DAG1: variants seen among roughly 807,000 people sequenced by gnomAD.
The protein encoded by DAG1 is dystroglycan 1 (dystrophin-associated glycoprotein 1).
In DAG1, 8 loss-of-function variants were observed where a neutral mutation model predicts 46.1. The ratio of observed to expected loss-of-function variants is 0.17; its 90% confidence interval spans 0.10 to 0.31. The LOEUF is 0.31. Ranked by LOEUF, DAG1 falls within the 10% of genes least tolerant of loss-of-function variation. The pLI is 1.00. For synonymous variants in DAG1, 495 were observed against 481.8 expected, an observed-to-expected ratio of 1.03 and a Z score of -0.36; for missense variants, 1,003 against 1,189.9, an observed-to-expected ratio of 0.84 and a Z score of 2.31.
chr3:49,505,092 T>A (rs1463076904), intron 1 of DAG1, among the ~76,000 whole-genome samples: 1 of 151,724 alleles, frequency 6.6e-6, no homozygotes, highest in Non-Finnish European at 1.5e-5. Flanking sequence ...CCTGCTGGGC[T>A]CAAGCGATCC....
intron 1 of DAG1, among the ~76,000 whole-genome samples, chr3:49,503,827 C>CAA (rs57105506): frequency 0.014 from 1,890 of 130,784 alleles, 24 homozygotes; most frequent in Non-Finnish European, 0.021. Flanking sequence ...GACCCTGTCT[C>CAA]AAAAAAAAAA....
intron 2 of DAG1, among the ~76,000 whole-genome samples, chr3:49,528,275 ATTTTTTTTTT>A (rs147292984): frequency 4.5e-4 from 30 of 66,630 alleles, no homozygotes; most frequent in Admixed American, 3.7e-3. Flanking sequence ...AAATAGTGTG[ATTTTTTTTTT>A]TTTTTTTTTT....
chr3:49,488,562 T>A (rs189857561), intron 1 of DAG1: 1 of 152,276 alleles, frequency 6.6e-6, no homozygotes. Flanking sequence ...CCACTGGGGC[T>A]GAGGTCTCTC....
chr3:49,527,235 C>T (rs1038813369), intron 2 of DAG1, among the ~76,000 whole-genome samples: 8 of 148,740 alleles, frequency 5.4e-5, no homozygotes, highest in Non-Finnish European at 1.2e-4. Flanking sequence ...ACTAAAAATA[C>T]GAAAAATTGC....
At chr3:49,518,450 TGCCTGGTGTCA>T (rs1197957484) in intron 2 of DAG1, among the ~76,000 whole-genome samples, 1 of 152,230 alleles carries the variant, frequency 6.6e-6, no homozygotes, top group African/African-American at 2.4e-5. Context: ...GAGGTTGTGC[TGCCTGGTGTCA>T]GTCTGTTGAT....
intron 1 of DAG1, among the ~76,000 whole-genome samples, chr3:49,498,719 A>T (rs377281869): frequency 2.1e-5 from 3 of 144,986 alleles, no homozygotes; most frequent in Non-Finnish European, 3.0e-5. Flanking sequence ...TTATTAATTA[A>T]TTTTTTTTTT....
chr3:49,515,039 T>C (rs1379865659), intron 2 of DAG1, among the ~76,000 whole-genome samples: 1 of 152,190 alleles, frequency 6.6e-6, no homozygotes, highest in East Asian at 1.9e-4. Context: ...TTTCACCATA[T>C]TGGCCAGACT....
intron 2 of DAG1, among the ~76,000 whole-genome samples, chr3:49,529,969 C>T (rs572642462): frequency 1.3e-5 from 2 of 152,244 alleles, no homozygotes; most frequent in African/African-American, 2.4e-5. Context: ...CTCCTTAGGC[C>T]TGCTTCTGTG....
intron 1 of DAG1, among the ~76,000 whole-genome samples, chr3:49,475,826 C>T: frequency 6.6e-6 from 1 of 151,654 alleles, no homozygotes; most frequent in Non-Finnish European, 1.5e-5. Flanking sequence ...GCCTCGGCCT[C>T]CCGAGTAGCT....
At chr3:49,512,818 ATTAGTTACAAAAAATT>A (rs2050799242) in intron 2 of DAG1, among the ~76,000 whole-genome samples, 1 of 151,636 alleles carries the variant, frequency 6.6e-6, no homozygotes, top group South Asian at 2.1e-4. Flanking sequence ...AAATACAAAA[ATTAGTTACAAAAAATT>A]TTTTTTAGAT....
rs544035734 is a variant in DAG1 at position 49,532,940 on chromosome 3, C to T, written c.2429C>T (p.Pro810Leu). The change falls in exon 3 of 3, where the codon CCA (proline) becomes CTA (leucine). Residue 810 changes from proline to leucine, a missense_variant. By Grantham distance (98) the Pro-to-Leu change is moderately conservative (BLOSUM62 -3). This residue lies in a region of DAG1 where 755 missense variants were observed against 854.1 expected (regional missense o/e 0.88). Coordinates refer to ENST00000308775, the MANE Select transcript of DAG1 (RefSeq NM_004393.6). The surrounding 1 kb of genome is among the most constrained non-coding windows in gnomAD (Gnocchi z 5.4). ...GACGAACTGGACGACTCCAAGCCCC[C>T]ACCCTCCTCCAGCATGCCACTCATT... ...FADELDDSKP[P>L]PSSSMPLILQ... The T allele has an allele frequency of 6.2e-7, 1 of 1,614,150 alleles. No homozygotes were observed. Among genetic ancestry groups the T allele is most frequent in the African/African-American group, 1.3e-5 (1 of 75,044 alleles).
rs201220117 is a variant in DAG1 at position 49,532,097 on chromosome 3, C to T, written c.1586C>T (p.Thr529Ile). ...GACACTTTCTATGACCATGAGGACACCACCACTGACAAGCTGAAGCTGACC... is the reference window on the plus strand; with the variant it reads ...GACACTTTCTATGACCATGAGGACATCACCACTGACAAGCTGAAGCTGACC... ...PSDTFYDHED[T>I]TTDKLKLTLK... is the part of the protein sequence containing the mutation. The change falls in exon 3 of 3, where the codon ACC becomes ATC. Residue 529 changes from threonine to isoleucine, a missense_variant. Physicochemically the swap from Thr to Ile is moderately conservative, Grantham distance 89. This residue lies in a region of DAG1 where 755 missense variants were observed against 854.1 expected (regional missense o/e 0.88). Coordinates refer to ENST00000308775, the MANE Select transcript of DAG1 (RefSeq NM_004393.6). This position sits in a 1 kb window ranked among gnomAD's most constrained non-coding sequence, Gnocchi z 5.4. 1.2e-6 allele frequency: 2 copies of T among 1,614,234 alleles called. No individual in the cohort carries two copies. Among genetic ancestry groups the T allele is most frequent in the African/African-American group, 1.3e-5 (1 of 75,062 alleles).
intron 2 of DAG1, among the ~76,000 whole-genome samples, chr3:49,520,165 AGGCTCTT>A (rs2050991510): frequency 6.6e-6 from 1 of 152,194 alleles, no homozygotes; most frequent in African/African-American, 2.4e-5. Flanking sequence ...CTTAAGCTAG[AGGCTCTT>A]CCTGTTGGTC....
In DAG1 at chr3:49,472,349, C is replaced by G. The variant is rs532060549; in HGVS notation, c.-117+1916C>G. ...TTCTGGAATGCATGGGCCAGAAGAC[C>G]AAGCATAACCAAGGATTTAAATTCC... On this transcript the variant is annotated intron_variant, in intron 1 of 2. Transcript: ENST00000308775. 1.1e-4 allele frequency among the ~76,000 whole-genome samples: 16 copies of G among 152,146 alleles called. No homozygotes were observed. The East Asian group carries it at 3.1e-3, about 29-fold the overall frequency.
chr3:49,490,035 G>T (rs985590039), intron 1 of DAG1, among the ~76,000 whole-genome samples: 1 of 152,284 alleles, frequency 6.6e-6, no homozygotes, highest in Non-Finnish European at 1.5e-5. Flanking sequence ...ACCATGACCC[G>T]TGTTCCTTTC....
At chr3:49,508,876 A>C (rs1320304549) in intron 1 of DAG1, among the ~76,000 whole-genome samples, 1 of 152,212 alleles carries the variant, frequency 6.6e-6, no homozygotes, top group African/African-American at 2.4e-5. Flanking sequence ...CAGTTGCCAC[A>C]TGAATGTATC....
intron 1 of DAG1, among the ~76,000 whole-genome samples, chr3:49,508,270 C>T (rs1430876189): frequency 6.7e-6 from 1 of 148,816 alleles, no homozygotes; most frequent in Non-Finnish European, 1.5e-5. Flanking sequence ...GGTGCATTCT[C>T]AGCTCACTTC....
chr3:49,518,707 G>C (rs2050956401), intron 2 of DAG1, among the ~76,000 whole-genome samples: 1 of 152,214 alleles, frequency 6.6e-6, no homozygotes, highest in African/African-American at 2.4e-5. Flanking sequence ...CTGTTCTCCA[G>C]TTCTGCCTTG....
In DAG1 at chr3:49,531,425, C is replaced by G. The variant is rs765716451; in HGVS notation, c.914C>G (p.Pro305Arg). Reference protein sequence around the residue: ...VGWHIANKKPPLPKRVRRQIH... With the variant: ...VGWHIANKKPRLPKRVRRQIH... Reference sequence around the variant, plus strand: ...TGGCACATCGCCAATAAGAAGCCCCCTCTTCCCAAACGCGTCCGGAGGCAG... The same window carrying G: ...TGGCACATCGCCAATAAGAAGCCCCGTCTTCCCAAACGCGTCCGGAGGCAG... The change falls in exon 3 of 3, where the codon CCT becomes CGT. Residue 305 changes from proline (P) to arginine (R), a missense_variant. Transcript: ENST00000308775. The surrounding 1 kb of genome is among the most constrained non-coding windows in gnomAD (Gnocchi z 7.0). The G allele has an allele frequency of 5.0e-6, 8 of 1,614,080 alleles. No individual in the cohort carries two copies. The South Asian group carries it at 7.7e-5, about 16-fold the overall frequency.
Sources: allele counts gnomAD v4.1 joint callset (sites outside exome capture counted in the v4.1 genomes callset), GRCh38; gene constraint gnomAD v4.1.1; regional missense constraint gnomAD v4.1.1; non-coding constraint Gnocchi (gnomAD v3.1); transcripts MANE v1.5; gene names NCBI Gene and HGNC (gene_info 2026-07-23, HGNC 2026-07-21).